KCTD16: variants seen among roughly 807,000 people sequenced by gnomAD.
KCTD16 encodes BTB/POZ domain-containing protein KCTD16.
A neutral mutation model predicts 33.2 loss-of-function variants in KCTD16; 13 were observed. That is an observed-to-expected ratio of 0.39 (90% CI 0.25 to 0.62). The LOEUF (loss-of-function observed/expected upper bound fraction) is 0.62, where lower values mean the gene tolerates loss of function less well. KCTD16 is among the 20% of genes least tolerant of loss of function. The pLI, the probability that KCTD16 is intolerant of heterozygous loss-of-function variation, is 0.50. For missense variants in KCTD16, 441 were observed against 525.1 expected (o/e 0.84, Z 1.57); for synonymous variants, 197 against 195.3 (o/e 1.01, Z -0.07).
At chr5:144,228,920 A>G (rs1754014734) in intron 3 of KCTD16, among the ~76,000 whole-genome samples, 2 of 152,238 alleles carry the variant, frequency 1.3e-5, no homozygotes, top group Non-Finnish European at 2.9e-5. Context: ...ACGTACATAT[A>G]TGAGGAAGGA....
At chr5:144,396,600 G>T (rs1391780201) in intron 3 of KCTD16, among the ~76,000 whole-genome samples, 1 of 152,068 alleles carries the variant, frequency 6.6e-6, no homozygotes, top group Non-Finnish European at 1.5e-5. Flanking sequence ...CAATTAAAGA[G>T]GTAAGCACAG....
intron 3 of KCTD16, among the ~76,000 whole-genome samples, chr5:144,271,568 C>G (rs1755294451): frequency 1.3e-5 from 2 of 152,064 alleles, no homozygotes; most frequent in South Asian, 4.1e-4. Context: ...AGACTGAAAG[C>G]TTTTTCTCTT....
chr5:144,276,698 G>GTT (rs1755446705), intron 3 of KCTD16, among the ~76,000 whole-genome samples: 1 of 152,136 alleles, frequency 6.6e-6, no homozygotes. Context: ...GAGGTCAGGA[G>GTT]TTCAAGACCT....
intron 3 of KCTD16, among the ~76,000 whole-genome samples, chr5:144,208,199 A>G (rs987668779): frequency 6.6e-5 from 10 of 152,240 alleles, no homozygotes; most frequent in African/African-American, 2.2e-4. Context: ...TTTAAGATCT[A>G]TGTAAAAGGA....
At chr5:144,285,715 A>G (rs1158284415) in intron 3 of KCTD16, among the ~76,000 whole-genome samples, 3 of 152,218 alleles carry the variant, frequency 2.0e-5, no homozygotes, top group African/African-American at 7.2e-5. Context: ...ATTAAAAATT[A>G]CATTCTACAT....
At chr5:144,276,164 G>A (rs1755432249) in intron 3 of KCTD16, among the ~76,000 whole-genome samples, 1 of 152,116 alleles carries the variant, frequency 6.6e-6, no homozygotes, top group Non-Finnish European at 1.5e-5. Flanking sequence ...TTATGAATTT[G>A]GTATGTATCA....
At chr5:144,244,303 G>A (rs1754489041) in intron 3 of KCTD16, among the ~76,000 whole-genome samples, 1 of 152,082 alleles carries the variant, frequency 6.6e-6, no homozygotes, top group South Asian at 2.1e-4. Context: ...GCTAAGACAT[G>A]GTTCCTGCCT....
intron 2 of KCTD16, among the ~76,000 whole-genome samples, chr5:144,194,683 A>G (rs1321181556): frequency 6.6e-6 from 1 of 152,222 alleles, no homozygotes; most frequent in Non-Finnish European, 1.5e-5. Flanking sequence ...TATGGGAAGT[A>G]CAATTATTAC....
chr5:144,347,735 G>A (rs1265840469), intron 3 of KCTD16, among the ~76,000 whole-genome samples: 1 of 152,198 alleles, frequency 6.6e-6, no homozygotes, highest in Non-Finnish European at 1.5e-5. Flanking sequence ...CACTGAATGC[G>A]CTGACAGCTG....
intron 3 of KCTD16, among the ~76,000 whole-genome samples, chr5:144,267,207 T>G (rs1755168959): frequency 6.6e-6 from 1 of 152,162 alleles, no homozygotes. Context: ...AAGAGTGAGA[T>G]CTGTGTCAGA....
intron 3 of KCTD16, among the ~76,000 whole-genome samples, chr5:144,419,246 C>T (rs1287650030): frequency 1.3e-5 from 2 of 152,172 alleles, no homozygotes; most frequent in Non-Finnish European, 2.9e-5. Flanking sequence ...TGTTTGACTG[C>T]CTTTTCAGTC....
At chr5:144,350,474 A>T (rs1668926461) in intron 3 of KCTD16, among the ~76,000 whole-genome samples, 1 of 152,202 alleles carries the variant, frequency 6.6e-6, no homozygotes, top group Non-Finnish European at 1.5e-5. Flanking sequence ...AAGAAGTCTG[A>T]ATTATACATT....
chr5:144,388,314 C>T (rs1239118077), intron 3 of KCTD16, among the ~76,000 whole-genome samples: 1 of 151,912 alleles, frequency 6.6e-6, no homozygotes, highest in South Asian at 2.1e-4. Flanking sequence ...ATCTACTGAC[C>T]TCGTGATCCG....
chr5:144,213,777 T>C (rs1208060350), intron 3 of KCTD16, among the ~76,000 whole-genome samples: 1 of 152,196 alleles, frequency 6.6e-6, no homozygotes, highest in African/African-American at 2.4e-5. Flanking sequence ...CTATTGGGTG[T>C]ATTCTCTCCA....
At chr5:144,219,789 G>T (rs1753683966) in intron 3 of KCTD16, among the ~76,000 whole-genome samples, 1 of 152,136 alleles carries the variant, frequency 6.6e-6, no homozygotes, top group Non-Finnish European at 1.5e-5. Context: ...CTCCCAAAGT[G>T]TTGGGATTAC....
At chr5:144,227,069 G>T (rs1371755718) in intron 3 of KCTD16, among the ~76,000 whole-genome samples, 1 of 152,200 alleles carries the variant, frequency 6.6e-6, no homozygotes, top group East Asian at 1.9e-4. Flanking sequence ...CCTTCAAGGA[G>T]CTTATATCCT....
chr5:144,439,514 C>A, intron 3 of KCTD16: 1 of 205,906 alleles, frequency 4.9e-6, no homozygotes. Flanking sequence ...GAGCTTTACA[C>A]AGCTGTCCTT....
intron 3 of KCTD16, among the ~76,000 whole-genome samples, chr5:144,386,042 G>A (rs1021412900): frequency 2.0e-4 from 30 of 152,064 alleles, no homozygotes; most frequent in African/African-American, 7.0e-4. Flanking sequence ...TAAGCTTGTT[G>A]CCACTCAGAG....
chr5:144,412,741 C>T lies in KCTD16; in HGVS notation c.833-60919C>T, dbSNP rs547310679. ...TCTCTACTAAAAATACAAAAATTAG[C>T]TGGGCATGGTGGTGCGCACCTGTAA... On this transcript the variant is annotated intron_variant, in intron 3 of 3. Coordinates refer to ENST00000512467, the MANE Select transcript of KCTD16 (RefSeq NM_020768.4). Among the ~76,000 whole-genome samples, 4 of 152,174 alleles carry T rather than the reference C, an allele frequency of 2.6e-5. No individual in the cohort carries two copies. The South Asian group carries it at 8.3e-4, about 32-fold the overall frequency.
Sources: allele counts gnomAD v4.1 joint callset (sites outside exome capture counted in the v4.1 genomes callset), GRCh38; gene constraint gnomAD v4.1.1; transcripts MANE v1.5; gene names NCBI Gene and HGNC (gene_info 2026-07-23, HGNC 2026-07-21).